FLT1: variants seen among roughly 807,000 people sequenced by gnomAD.
FLT1 encodes vascular endothelial growth factor receptor 1.
FLT1 carries 49 observed loss-of-function variants against 156.3 expected under a neutral mutation model. That is an observed-to-expected ratio of 0.31 (90% CI 0.25 to 0.40). The LOEUF is 0.40. Among genes scored for constraint, FLT1 ranks in the 10% least tolerant of loss-of-function variants. The pLI is 1.00. For missense variants in FLT1, 1,322 were observed against 1,637.2 expected (o/e 0.81, Z 3.32); for synonymous variants, 594 against 583.8 (o/e 1.02, Z -0.25).
rs369886455 is a variant in FLT1, at chr13:28,364,404, A to C, written c.2117-6719T>G. Reference sequence around the variant, plus strand: ...GGTGAATTTTTAATACAAAGCTTTAAATTTTTTAACATAATCAAATTTGTC... The same window carrying C: ...GGTGAATTTTTAATACAAAGCTTTACATTTTTTAACATAATCAAATTTGTC... On this transcript the variant is annotated intron_variant, in intron 14 of 29. Coordinates refer to ENST00000282397, the MANE Select transcript of FLT1 (RefSeq NM_002019.4). Among the ~76,000 whole-genome samples the C allele has an allele frequency of 9.2e-5, 14 of 152,206 alleles. No individual in the cohort carries two copies. In the East Asian group the frequency reaches 2.5e-3, roughly 27 times the overall value.
At chr13:28,467,416 A>G in intron 2 of FLT1, 105 bp downstream of exon 2, 1 of 793,150 alleles carries the variant, frequency 1.3e-6, no homozygotes, top group Non-Finnish European at 2.2e-6. Flanking sequence ...TGCACTTTGC[A>G]GATCACAGGA....
chr13:28,368,432 G>A (rs867134880), intron 14 of FLT1: 27 of 1,466,780 alleles, frequency 1.8e-5, no homozygotes, highest in African/African-American at 7.0e-5. Context: ...GATTACAGGC[G>A]TGAGCCACCA....
chr13:28,465,741 G>C (rs979132250), intron 3 of FLT1, among the ~76,000 whole-genome samples: 4 of 152,190 alleles, frequency 2.6e-5, no homozygotes, highest in Non-Finnish European at 5.9e-5. Flanking sequence ...TACGCAGGAG[G>C]CTGAGGCAGG....
At chr13:28,347,396 G>A (rs1399383549) in intron 15 of FLT1, among the ~76,000 whole-genome samples, 1 of 151,996 alleles carries the variant, frequency 6.6e-6, no homozygotes, top group African/African-American at 2.4e-5. Flanking sequence ...GGTGTGGTGG[G>A]GGGGCACCCA....
At chr13:28,493,302 A>G (rs896407417) in intron 1 of FLT1, among the ~76,000 whole-genome samples, 1 of 152,230 alleles carries the variant, frequency 6.6e-6, no homozygotes, top group Non-Finnish European at 1.5e-5. Context: ...TATTTGTGAA[A>G]TAGAAAATAC....
At chr13:28,491,579 A>G (rs1264958858) in intron 1 of FLT1, among the ~76,000 whole-genome samples, 1 of 152,254 alleles carries the variant, frequency 6.6e-6, no homozygotes, top group Non-Finnish European at 1.5e-5. Flanking sequence ...ATTCAAGGCC[A>G]AATTGACTGG....
Position 28,433,920 on chromosome 13 carries a change from G to A in FLT1, c.712C>T (p.Arg238Cys), listed in dbSNP as rs139202898. The change falls in exon 6 of 30, where the codon CGC becomes TGC. Residue 238 changes from arginine (R) to cysteine (C), a missense_variant. By Grantham distance (180) the Arg-to-Cys change is radical. This residue lies in a region of FLT1 where 991 missense variants were observed against 1,254.8 expected (regional missense o/e 0.79). Coordinates refer to ENST00000282397, the MANE Select transcript of FLT1 (RefSeq NM_002019.4). ...TIIDVQISTP[R>C]PVKLLRGHTL... ...TGGCCTCTAAGTAATTTGACTGGGC[G>A]TGGTGTGCTTATTTGGACATCTATG... is the stretch of plus-strand genomic sequence containing the variant. The A allele has an allele frequency of 2.7e-5, 44 of 1,613,952 alleles. No homozygotes were observed. The Middle Eastern group carries it at 4.9e-4, about 18-fold the overall frequency.
chr13:28,387,643 A>G (rs942631806), intron 13 of FLT1: 15 of 1,064,712 alleles, frequency 1.4e-5, no homozygotes, highest in Middle Eastern at 4.1e-4. Context: ...GGACTGAGGA[A>G]CCAGCCTCAC....
chr13:28,379,328 C>T (rs1390380533), intron 14 of FLT1, among the ~76,000 whole-genome samples: 1 of 151,928 alleles, frequency 6.6e-6, no homozygotes, highest in East Asian at 1.9e-4. Flanking sequence ...CGCAAGACTC[C>T]ATCTCAAAAA....
At chr13:28,357,209 A>G (rs1872928570) in intron 15 of FLT1, among the ~76,000 whole-genome samples, 2 of 147,232 alleles carry the variant, frequency 1.4e-5, no homozygotes, top group South Asian at 2.2e-4. Context: ...CTTTTCTTCC[A>G]TTTTGGACAT....
At position 28,387,548 on chromosome 13, in the gene FLT1, C is replaced by T. The variant is rs1358953697; in HGVS notation, c.1969+2248G>A. On this transcript the variant is annotated intron_variant, in intron 13 of 29. Transcript: ENST00000282397. ...TCAGTAGCCAAAGATAGCTGCCCACCAGGTTCTTTCACTTTTCAGTGTTAT... is the reference window on the plus strand; with the variant it reads ...TCAGTAGCCAAAGATAGCTGCCCACTAGGTTCTTTCACTTTTCAGTGTTAT... The T allele has an allele frequency of 3.8e-6, 4 of 1,063,084 alleles. No individual in the cohort carries two copies. In the East Asian group the frequency reaches 2.0e-4, roughly 54 times the overall value. The allele number at this position is 1,063,084 out of a possible 1,614,324, so 65.9% of individuals were successfully genotyped here.
At chr13:28,462,647 A>C (rs937364493) in intron 3 of FLT1, among the ~76,000 whole-genome samples, 1 of 152,230 alleles carries the variant, frequency 6.6e-6, no homozygotes, top group Non-Finnish European at 1.5e-5. Context: ...GTGCCTTTGC[A>C]TCAAGGTAAT....
intron 28 of FLT1, among the ~76,000 whole-genome samples, chr13:28,307,910 T>G (rs1228495713): frequency 2.6e-5 from 4 of 152,174 alleles, no homozygotes; most frequent in African/African-American, 9.7e-5. Flanking sequence ...TAGCTGGGAC[T>G]ACAGGAGCCC....
At chr13:28,347,514 C>G (rs1872608299) in intron 15 of FLT1, among the ~76,000 whole-genome samples, 2 of 151,436 alleles carry the variant, frequency 1.3e-5, no homozygotes, top group Non-Finnish European at 2.9e-5. Context: ...GAGTGAGACT[C>G]CATCTCAAAA....
intron 18 of FLT1, among the ~76,000 whole-genome samples, chr13:28,331,775 C>A (rs948162445): frequency 6.6e-6 from 1 of 151,618 alleles, no homozygotes; most frequent in Non-Finnish European, 1.5e-5. Flanking sequence ...TTAATTTAAG[C>A]AAGAAAGCTG....
chr13:28,382,006 C>G (rs904235063), intron 14 of FLT1, among the ~76,000 whole-genome samples: 2 of 152,076 alleles, frequency 1.3e-5, no homozygotes, highest in Non-Finnish European at 2.9e-5. Context: ...ATAAGATAAA[C>G]TATCTATCTG....
intron 1 of FLT1, among the ~76,000 whole-genome samples, chr13:28,493,910 C>T (rs1881599148): frequency 6.6e-6 from 1 of 152,254 alleles, no homozygotes; most frequent in African/African-American, 2.4e-5. Context: ...GTCAAAATCG[C>T]CCGCCCTCTC....
At chr13:28,494,015 C>T (rs747748223) in intron 1 of FLT1, among the ~76,000 whole-genome samples, 3 of 152,250 alleles carry the variant, frequency 2.0e-5, no homozygotes, top group Admixed American at 6.5e-5. Context: ...CTGATGTCCG[C>T]GACACGGACT....
chr13:28,406,344 T>G (rs7139483), intron 10 of FLT1, among the ~76,000 whole-genome samples: 2 of 152,162 alleles, frequency 1.3e-5, no homozygotes, highest in African/African-American at 4.8e-5. Flanking sequence ...GCTAATTAAG[T>G]GCATATGGAA....
Sources: allele counts gnomAD v4.1 joint callset (sites outside exome capture counted in the v4.1 genomes callset), GRCh38; gene constraint gnomAD v4.1.1; regional missense constraint gnomAD v4.1.1; transcripts MANE v1.5; gene names NCBI Gene and HGNC (gene_info 2026-07-23, HGNC 2026-07-21).